The following BRINP1 variants were observed in gnomAD, a reference collection of about 807,000 sequenced individuals.
BRINP1 encodes BMP/retinoic acid inducible neural specific 1.
In BRINP1, 17 loss-of-function variants were observed where a neutral mutation model predicts 72.9. The ratio of observed to expected loss-of-function variants is 0.23; its 90% CI spans 0.16 to 0.35. The LOEUF (loss-of-function observed/expected upper bound fraction) is 0.35, where lower values mean the gene tolerates loss of function less well. Among genes scored for constraint, BRINP1 ranks in the 10% least tolerant of loss-of-function variants. The probability of loss-of-function intolerance (pLI) is 1.00; values close to 1 mark genes in which losing one functional copy is unlikely to be tolerated. For missense variants in BRINP1, 850 were observed against 1,001.6 expected (o/e 0.85, Z 2.04); for synonymous variants, 418 against 378.5 (o/e 1.10, Z -1.21).
intron 7 of BRINP1, among the ~76,000 whole-genome samples, chr9:119,203,378 TA>T (rs1411210157): frequency 1.3e-5 from 2 of 152,178 alleles, no homozygotes; most frequent in African/African-American, 2.4e-5. Flanking sequence ...GAGTATTAGA[TA>T]AAAAATATAT....
chr9:119,341,581 T>G (rs1831406594), intron 1 of BRINP1, among the ~76,000 whole-genome samples: 1 of 152,102 alleles, frequency 6.6e-6, no homozygotes, highest in African/African-American at 2.4e-5. Context: ...CAACTGACAC[T>G]CTACAGTGTG....
At chr9:119,210,434 A>G (rs1829910803) in intron 6 of BRINP1, among the ~76,000 whole-genome samples, 1 of 152,218 alleles carries the variant, frequency 6.6e-6, no homozygotes, top group Admixed American at 6.5e-5. Flanking sequence ...ATCACCTAAC[A>G]TATATAACCA....
At position 119,213,971 on chromosome 9, in the gene BRINP1, C is replaced by T; in HGVS notation, c.870G>A (p.Leu290=). The T allele has an allele frequency of 1.2e-6, 2 of 1,614,198 alleles. No individual in the cohort carries two copies. Among genetic ancestry groups the T allele is most frequent in the Non-Finnish European group, 1.7e-6 (2 of 1,180,036 alleles). Residue 290 remains leucine, a synonymous_variant, in exon 6 of 8, where the codon CTG becomes CTA. Coordinates refer to ENST00000265922, the MANE Select transcript of BRINP1 (RefSeq NM_014618.3). ...ITDIQIMEYT[L]ANMAKSWAEA... ...CGGCCCAAGACTTGGCCATGTTGGC[C>T]AGCGTGTACTCCATGATCTGGATGT...
At chr9:119,169,423 G>T (rs935204892) in intron 7 of BRINP1, among the ~76,000 whole-genome samples, 1 of 152,174 alleles carries the variant, frequency 6.6e-6, no homozygotes, top group Non-Finnish European at 1.5e-5. Flanking sequence ...CTTTTCCGGC[G>T]GGCTTAAAAA....
At chr9:119,282,184 C>T (rs1830719024) in intron 2 of BRINP1, among the ~76,000 whole-genome samples, 1 of 152,208 alleles carries the variant, frequency 6.6e-6, no homozygotes, top group African/African-American at 2.4e-5. Flanking sequence ...ATTCTTGTCC[C>T]ACACCCACCT....
At chr9:119,275,049 G>C (rs1830642924) in intron 2 of BRINP1, among the ~76,000 whole-genome samples, 1 of 152,104 alleles carries the variant, frequency 6.6e-6, no homozygotes, top group African/African-American at 2.4e-5. Context: ...GTTTGCCACA[G>C]GTCAATCATA....
intron 2 of BRINP1, among the ~76,000 whole-genome samples, chr9:119,297,933 C>A (rs2118979333): frequency 6.6e-6 from 1 of 152,344 alleles, no homozygotes; most frequent in Non-Finnish European, 1.5e-5. Context: ...TGCTGACAAG[C>A]ATCCGGGCCT....
intron 2 of BRINP1, chr9:119,282,861 CCTCTTACGGTTGCG>C (rs1830726821): frequency 1.0e-6 from 1 of 985,184 alleles, no homozygotes; most frequent in South Asian, 4.7e-5. Context: ...TGATAGATTA[CCTCTTACGGTTGCG>C]CTTTTCCCTG....
intron 7 of BRINP1, among the ~76,000 whole-genome samples, chr9:119,199,897 G>C (rs1320516194): frequency 6.6e-6 from 1 of 150,856 alleles, no homozygotes; most frequent in Non-Finnish European, 1.5e-5. Context: ...GAAGACAATC[G>C]CCATTTGCAG....
intron 3 of BRINP1, among the ~76,000 whole-genome samples, chr9:119,242,641 C>A (rs547069293): frequency 2.0e-5 from 3 of 152,238 alleles, no homozygotes; most frequent in Non-Finnish European, 4.4e-5. Flanking sequence ...CTCCCATCTC[C>A]CCTTCATTTC....
intron 2 of BRINP1, among the ~76,000 whole-genome samples, chr9:119,260,416 T>C (rs915517291): frequency 6.6e-6 from 1 of 152,232 alleles, no homozygotes; most frequent in Non-Finnish European, 1.5e-5. Context: ...TATAGACAGT[T>C]TGCTAATCCT....
intron 1 of BRINP1, among the ~76,000 whole-genome samples, chr9:119,314,279 A>T (rs2118996552): frequency 6.6e-6 from 1 of 152,338 alleles, no homozygotes; most frequent in East Asian, 1.9e-4. Flanking sequence ...CCTAAGGGGT[A>T]GCTTTGGTAG....
At chr9:119,316,824 AGATCAAGGCAT>A (rs1831129752) in intron 1 of BRINP1, among the ~76,000 whole-genome samples, 1 of 152,148 alleles carries the variant, frequency 6.6e-6, no homozygotes, top group Non-Finnish European at 1.5e-5. Flanking sequence ...TGCAGCCCAT[AGATCAAGGCAT>A]GATTTTGACT....
At chr9:119,282,123 C>T (rs1055720922) in intron 2 of BRINP1, among the ~76,000 whole-genome samples, 3 of 152,192 alleles carry the variant, frequency 2.0e-5, no homozygotes, top group Admixed American at 6.5e-5. Context: ...TTTCTCCTCA[C>T]CCTCTGAGGG....
intron 5 of BRINP1, among the ~76,000 whole-genome samples, chr9:119,225,520 T>C (rs1346373382): frequency 6.6e-6 from 1 of 152,104 alleles, no homozygotes; most frequent in Non-Finnish European, 1.5e-5. Context: ...GCTATGTAAC[T>C]GCTGTTACAC....
intron 2 of BRINP1, among the ~76,000 whole-genome samples, chr9:119,276,998 C>T (rs1446696366): frequency 6.6e-6 from 1 of 152,102 alleles, no homozygotes; most frequent in Non-Finnish European, 1.5e-5. Context: ...CCTTGGAAAC[C>T]ACTATTCTGC....
intron 2 of BRINP1, among the ~76,000 whole-genome samples, chr9:119,275,024 T>C (rs1042027956): frequency 6.6e-6 from 1 of 152,084 alleles, no homozygotes. Context: ...AAACCGAGGC[T>C]TAGATAGGAA....
intron 2 of BRINP1, among the ~76,000 whole-genome samples, chr9:119,299,645 GT>G (rs1830920076): frequency 6.6e-6 from 1 of 151,660 alleles, no homozygotes; most frequent in Non-Finnish European, 1.5e-5. Flanking sequence ...AGTACATGTG[GT>G]TATATGTCTT....
chr9:119,332,138 CA>C (rs1166676675), intron 1 of BRINP1, among the ~76,000 whole-genome samples: 1 of 152,132 alleles, frequency 6.6e-6, no homozygotes, highest in African/African-American at 2.4e-5. Flanking sequence ...TCTAAGGGCC[CA>C]ACCAGTCCCA....
Sources: allele counts gnomAD v4.1 joint callset (sites outside exome capture counted in the v4.1 genomes callset), GRCh38; gene constraint gnomAD v4.1.1; transcripts MANE v1.5; gene names NCBI Gene and HGNC (gene_info 2026-07-23, HGNC 2026-07-21).